WASF3: variants seen among roughly 807,000 people sequenced by gnomAD.
WASF3 encodes the protein WASP family member 3, also known as actin-binding protein WASF3.
In WASF3, 11 loss-of-function variants were observed where a neutral mutation model predicts 46.6. The ratio of observed to expected loss-of-function variants is 0.24; its 90% CI spans 0.15 to 0.39. The LOEUF is 0.39. Ranked by LOEUF, WASF3 falls within the 10% of genes least tolerant of loss-of-function variation. The pLI, the probability that WASF3 is intolerant of heterozygous loss-of-function variation, is 1.00. For synonymous variants in WASF3, 242 were observed against 259.7 expected (o/e 0.93, Z 0.65); for missense variants, 576 against 669.8 (o/e 0.86, Z 1.55).
Position 26,682,978 on chromosome 13 carries a change from A to C in WASF3, c.1351+4A>C, listed in dbSNP as rs778714233. 2 of 1,598,454 alleles carry C rather than the reference A, an allele frequency of 1.3e-6. No homozygotes were observed. The highest frequency in any genetic ancestry group is 1.7e-6 in the Non-Finnish European group (2 of 1,178,578). ...CTCCTCGCTGCTATTCGAATGGGTA[A>C]GTGGAGCCCCCAGACACACAGCCTG... On this transcript the variant is annotated splice_donor_region_variant and intron_variant, in intron 9 of 9. Coordinates refer to ENST00000335327, the MANE Select transcript of WASF3 (RefSeq NM_006646.6). The surrounding 1 kb of genome is among the most constrained non-coding windows in gnomAD (Gnocchi z 4.4).
chr13:26,578,896 T>C (rs966099493), intron 1 of WASF3, among the ~76,000 whole-genome samples: 2 of 152,044 alleles, frequency 1.3e-5, no homozygotes. Flanking sequence ...AAATGCTTTT[T>C]CTATTGAGAT....
chr13:26,559,826 T>TCTTTCTTTCTTTCTTTCTTTCTCTC (rs1240300106), intron 1 of WASF3, among the ~76,000 whole-genome samples: 1 of 129,398 alleles, frequency 7.7e-6, no homozygotes, highest in South Asian at 2.8e-4. Flanking sequence ...TTTTTTTTTT[T>TCTTTCTTTCTTTCTTTCTTTCTCTC]TTTTTTTTGA....
intron 1 of WASF3, among the ~76,000 whole-genome samples, chr13:26,559,814 T>TCTTTCTTTCTTTC (rs1270214497): frequency 1.2e-4 from 11 of 89,596 alleles, no homozygotes; most frequent in East Asian, 3.3e-4. Flanking sequence ...CTTTCTTTTT[T>TCTTTCTTTCTTTC]TTTTTTTTTT....
chr13:26,644,344 T>C lies in WASF3; in HGVS notation c.133+1941T>C, dbSNP rs570621460. Reference sequence around the variant, plus strand: ...TTATTTTAAGCTGTTATGTTTGTGGTAATTTGATACAACAGCAATAGGAAA... The same window carrying C: ...TTATTTTAAGCTGTTATGTTTGTGGCAATTTGATACAACAGCAATAGGAAA... On this transcript the variant is annotated intron_variant, in intron 3 of 9. Coordinates refer to ENST00000335327, the MANE Select transcript of WASF3 (RefSeq NM_006646.6). 6.0e-4 allele frequency among the ~76,000 whole-genome samples: 92 copies of C among 152,352 alleles called. 1 individual carries two copies. The highest frequency in any genetic ancestry group is 6.0e-3 in the Admixed American group (92 of 15,308).
At chr13:26,582,100 A>T (rs1201201575) in intron 1 of WASF3, among the ~76,000 whole-genome samples, 3 of 152,208 alleles carry the variant, frequency 2.0e-5, no homozygotes, top group Non-Finnish European at 4.4e-5. Flanking sequence ...CTCATTTGAT[A>T]CTTCTTTTTC....
Position 26,682,661 on chromosome 13 carries a change from GCCACCTCCTCCT to G in WASF3, c.1039_1050del (p.Pro347_Pro350del), listed in dbSNP as rs780543139. On this transcript the variant is annotated inframe_deletion, in exon 9 of 10. Coordinates refer to ENST00000335327, the MANE Select transcript of WASF3 (RefSeq NM_006646.6). This position sits in a 1 kb window ranked among gnomAD's most constrained non-coding sequence, Gnocchi z 4.4. ...ACAACCCATCCGGACCACCTCCTCC[GCCACCTCCTCCT>G]GTGATTCCCTCAGCACAAACTGCCT... The G allele has an allele frequency of 2.5e-6, 4 of 1,613,848 alleles. No individual in the cohort carries two copies. The African/African-American group carries it at 5.3e-5, about 22-fold the overall frequency.
rs551887406 is a variant in WASF3, at chr13:26,679,088, G to C, written c.717-1966G>C. ...GCCCTCCCAGTCCTCTTCCTCCCGT[G>C]TCAGTGTCGCCTCTGGCCCTCCCAG... On this transcript the variant is annotated intron_variant, in intron 7 of 9. Transcript: ENST00000335327. This position sits in a 1 kb window ranked among gnomAD's most constrained non-coding sequence, Gnocchi z 4.8. 6.6e-6 allele frequency among the ~76,000 whole-genome samples: 1 copy of C among 150,854 alleles called. No individual in the cohort carries two copies. The highest frequency in any genetic ancestry group is 6.6e-5 in the Admixed American group (1 of 15,160).
At chr13:26,567,955 G>A (rs1879521191) in intron 1 of WASF3, among the ~76,000 whole-genome samples, 1 of 152,136 alleles carries the variant, frequency 6.6e-6, no homozygotes, top group East Asian at 1.9e-4. Flanking sequence ...GTGAAGGAGT[G>A]AACCAGCTAG....
chr13:26,672,950 C>T (rs998276764), intron 6 of WASF3, among the ~76,000 whole-genome samples: 4 of 152,174 alleles, frequency 2.6e-5, no homozygotes, highest in Non-Finnish European at 5.9e-5. Context: ...GACTTGGTCA[C>T]ACACAGTCTT....
chr13:26,683,197 G>A (rs1383192259), intron 9 of WASF3, among the ~76,000 whole-genome samples: 4 of 152,176 alleles, frequency 2.6e-5, no homozygotes, highest in Admixed American at 6.5e-5. Flanking sequence ...ACAGCCGGGC[G>A]CGGTGGGCTC....
chr13:26,577,685 G>A, intron 1 of WASF3: 3 of 1,017,526 alleles, frequency 2.9e-6, no homozygotes, highest in African/African-American at 1.6e-5. Context: ...TTAAAGTTCA[G>A]ACTTATAATA....
chr13:26,574,840 CTTT>C (rs546925714), intron 1 of WASF3, among the ~76,000 whole-genome samples: 2 of 142,384 alleles, frequency 1.4e-5, no homozygotes, highest in Admixed American at 1.4e-4. Context: ...TTAACCCCTT[CTTT>C]TTTTTTTTTT....
rs989181715 is a variant in WASF3 at position 26,559,006 on chromosome 13, T to G, written c.-109+1187T>G. Among the ~76,000 whole-genome samples the G allele has an allele frequency of 9.8e-5, 15 of 152,348 alleles. 1 individual carries two copies. Among genetic ancestry groups the G allele is most frequent in the Admixed American group, 3.9e-4 (6 of 15,312 alleles). On this transcript the variant is annotated intron_variant, in intron 1 of 9. Coordinates refer to ENST00000335327, the MANE Select transcript of WASF3 (RefSeq NM_006646.6). ...TGTCTCTAGGGCAAATTCTATTGCTTCTTTTTATATGTGCTTTACCCAACT... is the reference window on the plus strand; with the variant it reads ...TGTCTCTAGGGCAAATTCTATTGCTGCTTTTTATATGTGCTTTACCCAACT...
intron 9 of WASF3, 127 bp from the exon 10 acceptor site, chr13:26,685,561 C>G (rs1883376532): frequency 2.5e-6 from 3 of 1,195,984 alleles, no homozygotes; most frequent in Admixed American, 5.4e-5. Flanking sequence ...TTTCTCCCCT[C>G]AAATTTCTAA....
intron 1 of WASF3, among the ~76,000 whole-genome samples, chr13:26,572,341 T>TGCAC (rs1232990762): frequency 3.9e-5 from 6 of 152,234 alleles, no homozygotes; most frequent in Non-Finnish European, 8.8e-5. Context: ...TGTGCGTGCA[T>TGCAC]GCACATGCTC....
chr13:26,568,541 A>G (rs1459013517), intron 1 of WASF3, among the ~76,000 whole-genome samples: 1 of 152,158 alleles, frequency 6.6e-6, no homozygotes, highest in African/African-American at 2.4e-5. Context: ...TCTTGGAAGG[A>G]CTACTTGCAT....
chr13:26,605,047 T>A (rs1392129488), intron 1 of WASF3, among the ~76,000 whole-genome samples: 2 of 152,110 alleles, frequency 1.3e-5, no homozygotes, highest in Non-Finnish European at 2.9e-5. Flanking sequence ...GGCCCTTCCT[T>A]CTGGTCAGTG....
chr13:26,567,232 C>T (rs1180444676), intron 1 of WASF3, among the ~76,000 whole-genome samples: 2 of 152,164 alleles, frequency 1.3e-5, no homozygotes, highest in East Asian at 3.9e-4. Context: ...TATAAGTGAT[C>T]TCAGGTGGAT....
intron 3 of WASF3, 49 bp downstream of exon 3, chr13:26,642,452 A>C (rs1882027741): frequency 4.5e-6 from 7 of 1,540,820 alleles, no homozygotes; most frequent in Non-Finnish European, 5.2e-6. Flanking sequence ...TTTTGTTAGC[A>C]AATTGATTTT....
Sources: allele counts gnomAD v4.1 joint callset (sites outside exome capture counted in the v4.1 genomes callset), GRCh38; gene constraint gnomAD v4.1.1; non-coding constraint Gnocchi (gnomAD v3.1); transcripts MANE v1.5; gene names NCBI Gene and HGNC (gene_info 2026-07-23, HGNC 2026-07-21).